PLPPR4: variants seen among roughly 807,000 people sequenced by gnomAD.
The protein encoded by PLPPR4 is phospholipid phosphatase-related protein type 4.
PLPPR4 carries 24 observed loss-of-function variants against 56.6 expected under a neutral mutation model. The observed-to-expected ratio is 0.42, with a 90% CI of 0.31 to 0.60. PLPPR4 has a LOEUF of 0.60. Among genes scored for constraint, PLPPR4 ranks in the 20% least tolerant of loss-of-function variants. The pLI is 0.13. For missense variants in PLPPR4, 654 were observed against 885.8 expected, an observed-to-expected ratio of 0.74 and a Z score of 3.32; for synonymous variants, 326 against 328.1, an observed-to-expected ratio of 0.99 and a Z score of 0.07.
At chr1:99,277,281 T>C (rs147812584) in intron 1 of PLPPR4, among the ~76,000 whole-genome samples, 100 of 152,320 alleles carry the variant, frequency 6.6e-4, no homozygotes, top group African/African-American at 2.0e-3. Flanking sequence ...CCTACTTGTT[T>C]ATTTTTGTCC....
chr1:99,303,021 G>T (rs895519456), intron 6 of PLPPR4, among the ~76,000 whole-genome samples: 1 of 152,020 alleles, frequency 6.6e-6, no homozygotes, highest in East Asian at 1.9e-4. Context: ...CATGTTAAAC[G>T]ATATAACAGG....
chr1:99,306,486 C>G lies in PLPPR4; in HGVS notation c.1624C>G (p.Gln542Glu). 2 of 1,614,162 alleles carry G rather than the reference C, an allele frequency of 1.2e-6. No homozygotes were observed. The highest frequency in any genetic ancestry group is 1.7e-6 in the Non-Finnish European group (2 of 1,180,020). The change falls in exon 7 of 7, where the codon CAA (glutamine) becomes GAA (glutamate). Residue 542 changes from glutamine to glutamate, a missense_variant. Gln to Glu is a conservative substitution (Grantham distance 29). Around this residue, in one of 2 missense-constraint regions of PLPPR4, gnomAD observed 468 missense variants for 554.3 expected, o/e 0.84. Transcript: ENST00000370185. The surrounding 1 kb of genome is among the most constrained non-coding windows in gnomAD (Gnocchi z 4.0). ...CATGTCCAAGCAGCAGGGTGTCCTC[C>G]AAAGCAGCCCCAAGAACACTGAAGG... ...IAMSKQQGVL[Q>E]SSPKNTEGST...
rs747011441 is a variant in PLPPR4, at chr1:99,306,750, G to C, written c.1888G>C (p.Asp630His). Residue 630 changes from aspartate (D) to histidine (H), a missense_variant, in exon 7 of 7, where the codon GAC (aspartate) becomes CAC (histidine). Transcript: ENST00000370185. The surrounding 1 kb of genome is among the most constrained non-coding windows in gnomAD (Gnocchi z 4.0). Reference sequence around the variant, plus strand: ...CTCAGAAAGCTGTGAGTCTCTGAAAGACAGCTTTGGTTCTGGAGATCGCAA... The same window carrying C: ...CTCAGAAAGCTGTGAGTCTCTGAAACACAGCTTTGGTTCTGGAGATCGCAA... ...RDSESCESLK[D>H]SFGSGDRKRS... 1.1e-5 allele frequency: 17 copies of C among 1,613,926 alleles called. No individual in the cohort carries two copies. Among genetic ancestry groups the C allele is most frequent in the Non-Finnish European group, 1.4e-5 (17 of 1,180,004 alleles).
chr1:99,280,368 C>T (rs551031326), intron 1 of PLPPR4, among the ~76,000 whole-genome samples: 1 of 151,432 alleles, frequency 6.6e-6, no homozygotes, highest in South Asian at 2.1e-4. Context: ...TTAAACTTAA[C>T]TAGTATCTGG....
rs1032669330 is a variant in PLPPR4, at chr1:99,308,130, G to T, written c.*1120G>T. The T allele has an allele frequency of 2.6e-5, 4 of 151,976 alleles. No individual in the cohort carries two copies. The highest frequency in any genetic ancestry group is 7.3e-5 in the African/African-American group (3 of 41,376). 9.4% of individuals were successfully genotyped at this position (151,976 alleles called of 1,614,324 possible). A position where few individuals can be genotyped will look rare whatever the true frequency, so the allele number is the denominator to read the frequency against. ...ACAAGTAATCTAAAAGTCCCATTCG[G>T]TTCTACATTATTAACTTTTTTTTTC... On this transcript the variant is annotated 3_prime_UTR_variant, in exon 7 of 7. Coordinates refer to ENST00000370185, the MANE Select transcript of PLPPR4 (RefSeq NM_014839.5).
At chr1:99,298,651 A>G (rs563371226) in intron 3 of PLPPR4, among the ~76,000 whole-genome samples, 1 of 152,274 alleles carries the variant, frequency 6.6e-6, no homozygotes, top group East Asian at 1.9e-4. Context: ...AGGGAGAAAT[A>G]ACCCTGGCAA....
chr1:99,278,008 A>G (rs760264627), intron 1 of PLPPR4, among the ~76,000 whole-genome samples: 3 of 152,154 alleles, frequency 2.0e-5, no homozygotes, highest in African/African-American at 4.8e-5. Flanking sequence ...TTACCTTTTT[A>G]GAGGATATGA....
intron 2 of PLPPR4, among the ~76,000 whole-genome samples, chr1:99,296,344 C>T: frequency 6.6e-6 from 1 of 152,160 alleles, no homozygotes; most frequent in East Asian, 1.9e-4. Context: ...GGCTACTGTA[C>T]TGGACAGTGC....
intron 1 of PLPPR4, among the ~76,000 whole-genome samples, chr1:99,286,602 A>C (rs1019133642): frequency 6.6e-6 from 1 of 152,212 alleles, no homozygotes; most frequent in Non-Finnish European, 1.5e-5. Flanking sequence ...AGCGTGCAGA[A>C]AGGCATCATT....
chr1:99,302,891 C>T (rs1165646813), intron 6 of PLPPR4, among the ~76,000 whole-genome samples: 9 of 151,656 alleles, frequency 5.9e-5, no homozygotes, highest in Admixed American at 4.6e-4. Context: ...ATATGTGCCA[C>T]ATTTTCTTAA....
chr1:99,275,934 A>C (rs1012814848), intron 1 of PLPPR4, among the ~76,000 whole-genome samples: 4 of 152,180 alleles, frequency 2.6e-5, no homozygotes, highest in Non-Finnish European at 5.9e-5. Context: ...ACCTCATATG[A>C]GATGACCCTA....
Position 99,274,159 on chromosome 1 carries a change from AT to A in PLPPR4, c.78+9498del, listed in dbSNP as rs889720649. 6.6e-4 allele frequency among the ~76,000 whole-genome samples: 99 copies of A among 149,884 alleles called. 1 individual carries two copies. The highest frequency in any genetic ancestry group is 1.1e-3 in the South Asian group (5 of 4,706). On this transcript the variant is annotated intron_variant, in intron 1 of 6. Transcript: ENST00000370185. The stretch of plus-strand genomic sequence containing the variant: ...TATGGTAAAACAAACTATTAGATAT[AT>A]TTTTTTTTTACTTTTTTAAAAGAAT...
chr1:99,281,698 G>A (rs1405523057), intron 1 of PLPPR4, among the ~76,000 whole-genome samples: 2 of 152,052 alleles, frequency 1.3e-5, no homozygotes, highest in Non-Finnish European at 2.9e-5. Flanking sequence ...CATGGCTACA[G>A]GCTTTAATAC....
At chr1:99,285,654 CA>C (rs896277660) in intron 1 of PLPPR4, among the ~76,000 whole-genome samples, 9 of 149,434 alleles carry the variant, frequency 6.0e-5, no homozygotes, top group South Asian at 2.1e-4. Context: ...TTCCTAACTA[CA>C]AAAAAAAAGA....
intron 1 of PLPPR4, among the ~76,000 whole-genome samples, chr1:99,284,104 G>A (rs80178385): frequency 0.041 from 6,235 of 152,030 alleles, 203 homozygotes; most frequent in East Asian, 0.16. Flanking sequence ...AAATGCAATC[G>A]AAACAAGTCT....
intron 1 of PLPPR4, among the ~76,000 whole-genome samples, chr1:99,272,614 C>T (rs770121809): frequency 5.3e-5 from 8 of 152,060 alleles, no homozygotes; most frequent in Admixed American, 1.3e-4. Flanking sequence ...TTGAAAAGCA[C>T]GGTAATAGCT....
intron 1 of PLPPR4, among the ~76,000 whole-genome samples, chr1:99,278,499 C>T (rs1310699541): frequency 6.6e-6 from 1 of 152,128 alleles, no homozygotes; most frequent in Non-Finnish European, 1.5e-5. Flanking sequence ...AGAGAAATTA[C>T]AGCTGGAAGA....
chr1:99,307,465 G>A lies in PLPPR4; in HGVS notation c.*455G>A. On this transcript the variant is annotated 3_prime_UTR_variant, in exon 7 of 7. Coordinates refer to ENST00000370185, the MANE Select transcript of PLPPR4 (RefSeq NM_014839.5). Reference sequence around the variant, plus strand: ...GCACCTACAGCTCAATACGGGTGGTGCTGATTATTATAGTACATATACCAT... The same window carrying A: ...GCACCTACAGCTCAATACGGGTGGTACTGATTATTATAGTACATATACCAT... 6.0e-6 allele frequency: 1 copy of A among 167,374 alleles called. No individual in the cohort carries two copies. Among genetic ancestry groups the A allele is most frequent in the South Asian group, 1.5e-4 (1 of 6,640 alleles). The allele number at this position is 167,374 out of a possible 1,614,324, so 10.4% of individuals were successfully genotyped here.
rs571951384 is a variant in PLPPR4 at position 99,276,248 on chromosome 1, G to A, written c.78+11577G>A. Among the ~76,000 whole-genome samples the A allele has an allele frequency of 3.9e-5, 6 of 152,256 alleles. No homozygotes were observed. In the South Asian group the frequency reaches 8.3e-4, roughly 21 times the overall value. On this transcript the variant is annotated intron_variant, in intron 1 of 6. Coordinates refer to ENST00000370185, the MANE Select transcript of PLPPR4 (RefSeq NM_014839.5). ...GTAGGAGACAAGCTTAGAGGGAAGA[G>A]AAGCTTGTGATATGCTAGAGCGTTC...
Sources: allele counts gnomAD v4.1 joint callset (sites outside exome capture counted in the v4.1 genomes callset), GRCh38; gene constraint gnomAD v4.1.1; regional missense constraint gnomAD v4.1.1; non-coding constraint Gnocchi (gnomAD v3.1); transcripts MANE v1.5; gene names NCBI Gene and HGNC (gene_info 2026-07-23, HGNC 2026-07-21).